ETFB: variants seen among roughly 807,000 people sequenced by gnomAD.
ETFB encodes the protein electron transfer flavoprotein subunit beta.
Under a neutral mutation model 25.6 loss-of-function variants are expected in ETFB, and 20 were observed. The ratio of observed to expected loss-of-function variants is 0.78; its 90% CI spans 0.55 to 1.14. ETFB has a LOEUF of 1.14. Among genes scored for constraint, ETFB ranks in the 50% most tolerant of loss-of-function variants. The pLI is 0.00. For missense variants in ETFB, 286 were observed against 342.6 expected, an observed-to-expected ratio of 0.83 and a Z score of 1.30; for synonymous variants, 142 against 146.7, an observed-to-expected ratio of 0.97 and a Z score of 0.23.
chr19:51,353,226 G>T lies in ETFB; in HGVS notation c.281C>A (p.Ala94Glu). Reference sequence around the variant, plus strand: ...CAGGGGACCCAAGCGTTCTGCTTCTGCTGGGGGCACCTCCACGTGGATACC... The same window carrying T: ...CAGGGGACCCAAGCGTTCTGCTTCTTCTGGGGGCACCTCCACGTGGATACC... Reference protein sequence around the residue: ...DRGIHVEVPPAEAERLGPLQV... With the variant: ...DRGIHVEVPPEEAERLGPLQV... The change falls in exon 3 of 6, where the codon GCA (alanine) becomes GAA (glutamate). Residue 94 changes from alanine to glutamate, a missense_variant. Ala to Glu is a moderately radical substitution (Grantham distance 107). Coordinates refer to ENST00000309244, the MANE Select transcript of ETFB (RefSeq NM_001985.3). 6.2e-7 allele frequency: 1 copy of T among 1,614,086 alleles called. No individual in the cohort carries two copies. The highest frequency in any genetic ancestry group is 1.1e-5 in the South Asian group (1 of 91,090).
intron 4 of ETFB, 143 bp downstream of exon 4, chr19:51,350,186 A>G: frequency 1.1e-6 from 1 of 887,902 alleles, no homozygotes; most frequent in Non-Finnish European, 1.8e-6. Flanking sequence ...GACCTCAAGG[A>G]GGGGAACAAG....
intron 4 of ETFB, among the ~76,000 whole-genome samples, chr19:51,348,737 CAATGCAGTTACTGGA>C (rs1985860036): frequency 6.6e-6 from 1 of 152,016 alleles, no homozygotes; most frequent in Non-Finnish European, 1.5e-5. Flanking sequence ...CACAGATACC[CAATGCAGTTACTGGA>C]AATGCAGTTA....
At chr19:51,347,561 T>G in intron 4 of ETFB, 1 of 163,674 alleles carries the variant, frequency 6.1e-6, no homozygotes, top group Non-Finnish European at 1.3e-5. Context: ...ACTGTGTGTG[T>G]CCACACCAGT....
At position 51,346,949 on chromosome 19, in the gene ETFB, G is replaced by T; in HGVS notation, c.548C>A (p.Ala183Asp). The T allele has an allele frequency of 6.3e-7, 1 of 1,592,640 alleles. No homozygotes were observed. ...GCGGGGCTCGTTGAGCCTCAGGTCA[G>T]CTGTCACCACAGCTGGCAGCTTCAG... ...LRLKLPAVVT[A>D]DLRLNEPRYA... The change falls in exon 5 of 6, where the codon GCT becomes GAT. Residue 183 changes from alanine (A) to aspartate (D), a missense_variant. Coordinates refer to ENST00000309244, the MANE Select transcript of ETFB (RefSeq NM_001985.3).
At position 51,345,267 on chromosome 19, in the gene ETFB, TGAC is replaced by T; in HGVS notation, c.709_711del (p.Val237del). On this transcript the variant is annotated inframe_deletion, in exon 6 of 6. Coordinates refer to ENST00000309244, the MANE Select transcript of ETFB (RefSeq NM_001985.3). ...ACCAGGTCCTCAGTGGTCTCCACCT[TGAC>T]GCCGGCCGTGCGCTGGGGCGGGTCC... 1 of 1,614,222 alleles carries T rather than the reference TGAC, an allele frequency of 6.2e-7. No homozygotes were observed. The highest frequency in any genetic ancestry group is 8.5e-7 in the Non-Finnish European group (1 of 1,180,036).
intron 1 of ETFB, chr19:51,356,649 G>C (rs566791050): frequency 5.9e-5 from 9 of 152,164 alleles, no homozygotes; most frequent in Non-Finnish European, 1.3e-4. Context: ...AGAGGCTTCC[G>C]GTGTAGACCA....
chr19:51,345,508 G>A, intron 5 of ETFB, 127 bp from the exon 6 acceptor site: 1 of 928,862 alleles, frequency 1.1e-6, no homozygotes, highest in East Asian at 2.6e-5. Context: ...CCACCCACTG[G>A]CCAGGACACG....
intron 4 of ETFB, among the ~76,000 whole-genome samples, chr19:51,349,759 C>A (rs1985885827): frequency 6.6e-6 from 1 of 151,392 alleles, no homozygotes; most frequent in South Asian, 2.1e-4. Flanking sequence ...TTTCTTTTTT[C>A]TTTTTTTGAG....
chr19:51,360,285 C>T (rs980960518), intron 1 of ETFB, among the ~76,000 whole-genome samples: 1 of 151,598 alleles, frequency 6.6e-6, no homozygotes, highest in Non-Finnish European at 1.5e-5. Context: ...GCCTGTAATT[C>T]CAGCTAGTTG....
At chr19:51,353,817 C>A (rs1985996629) in intron 2 of ETFB, among the ~76,000 whole-genome samples, 1 of 57,920 alleles carries the variant, frequency 1.7e-5, no homozygotes. Flanking sequence ...CTTCCTCAGA[C>A]CCAGGAGTCC....
At chr19:51,345,541 C>G (rs1296674184) in intron 5 of ETFB, 160 bp from the exon 6 acceptor site, 1 of 718,448 alleles carries the variant, frequency 1.4e-6, no homozygotes, top group African/African-American at 1.7e-5. Flanking sequence ...CAGGGCCACA[C>G]CTGGTGTGGA....
At chr19:51,349,244 A>G (rs1301153289) in intron 4 of ETFB, among the ~76,000 whole-genome samples, 1 of 152,216 alleles carries the variant, frequency 6.6e-6, no homozygotes, top group Non-Finnish European at 1.5e-5. Context: ...TCTCTCAGTT[A>G]TAATATTTTC....
intron 1 of ETFB, among the ~76,000 whole-genome samples, chr19:51,361,540 GA>G (rs1986226164): frequency 6.6e-6 from 1 of 152,148 alleles, no homozygotes; most frequent in African/African-American, 2.4e-5. Flanking sequence ...AAAACCTGAA[GA>G]AACACCAGGC....
chr19:51,357,121 T>G (rs1198637772), intron 1 of ETFB: 1 of 151,298 alleles, frequency 6.6e-6, no homozygotes, highest in East Asian at 1.9e-4. Context: ...TCGCCCAGGC[T>G]GGAGTACAGT....
intron 1 of ETFB, chr19:51,357,086 T>C (rs1167952455): frequency 1.3e-5 from 2 of 151,798 alleles, no homozygotes; most frequent in Non-Finnish European, 2.9e-5. Context: ...CTTTTTTTTT[T>C]TTTTTTAGAT....
rs554983008 is a variant in ETFB at position 51,363,206 on chromosome 19, C to T, written c.57+3064G>A. 1.4e-4 allele frequency among the ~76,000 whole-genome samples: 22 copies of T among 152,116 alleles called. No individual in the cohort carries two copies. In the South Asian group the frequency reaches 2.7e-3, roughly 19 times the overall value. On this transcript the variant is annotated intron_variant, in intron 1 of 5. Coordinates refer to ENST00000309244, the MANE Select transcript of ETFB (RefSeq NM_001985.3). ...GGTGAAAGAGGTCAGGGAGTGAGCA[C>T]GTGATTCTGGGAACAGAGGTGGATC...
chr19:51,347,429 A>G (rs1422940994), intron 4 of ETFB: 1 of 217,616 alleles, frequency 4.6e-6, no homozygotes, highest in East Asian at 1.2e-4. Flanking sequence ...CAGATGAGAG[A>G]AACTGAGGCA....
At chr19:51,361,444 G>T (rs1292110218) in intron 1 of ETFB, among the ~76,000 whole-genome samples, 1 of 152,140 alleles carries the variant, frequency 6.6e-6, no homozygotes, top group Non-Finnish European at 1.5e-5. Context: ...TCGTCCCTGA[G>T]GTGACATGTG....
intron 1 of ETFB, among the ~76,000 whole-genome samples, chr19:51,359,205 T>G (rs1430604168): frequency 6.6e-6 from 1 of 151,076 alleles, no homozygotes; most frequent in Non-Finnish European, 1.5e-5. Context: ...GCGGGCACCA[T>G]CATGCCGGGC....
Sources: gnomAD v4.1 joint callset for allele counts (sites outside exome capture counted in the v4.1 genomes callset) on GRCh38, gnomAD v4.1.1 for gene constraint, MANE v1.5 for transcripts, NCBI Gene and HGNC (gene_info 2026-07-23, HGNC 2026-07-21) for gene names.